Variants in C1orf198 observed in about 807,000 individuals in gnomAD.
The protein encoded by C1orf198 is uncharacterized protein C1orf198.
Under a neutral mutation model 31.4 loss-of-function variants are expected in C1orf198, and 17 were observed. The observed-to-expected ratio is 0.54, with a 90% CI of 0.37 to 0.81. The LOEUF (loss-of-function observed/expected upper bound fraction) is 0.81. Ranked by LOEUF, C1orf198 falls within the 40% of genes least tolerant of loss-of-function variation. The pLI is 0.00. For synonymous variants in C1orf198, 175 were observed against 193.8 expected (o/e 0.90, Z 0.81); for missense variants, 401 against 450.3 (o/e 0.89, Z 0.99).
At chr1:230,851,900 T>C (rs985511083) in intron 2 of C1orf198, among the ~76,000 whole-genome samples, 1 of 152,208 alleles carries the variant, frequency 6.6e-6, no homozygotes, top group Non-Finnish European at 1.5e-5. Context: ...GGAATGGTCA[T>C]GGGCTGGCCA....
chr1:230,843,432 G>C lies in C1orf198; in HGVS notation c.849C>G (p.Leu283=). 1.9e-6 allele frequency: 3 copies of C among 1,590,510 alleles called. No individual in the cohort carries two copies. Among genetic ancestry groups the C allele is most frequent in the Non-Finnish European group, 2.6e-6 (3 of 1,168,160 alleles). The change falls in exon 3 of 4, where the codon CTC becomes CTG. Residue 283 remains leucine, a synonymous_variant. Transcript: ENST00000366663. The surrounding 1 kb of genome is among the most constrained non-coding windows in gnomAD (Gnocchi z 4.9). The part of the protein sequence containing the change: ...SALHEAAPSQ[L]EGKLPSPDVR... Reference sequence around the variant, plus strand: ...CATCAGGAGATGGCAGCTTCCCCTCGAGCTGGGAGGGGGCAGCCTCGTGCA... The same window carrying C: ...CATCAGGAGATGGCAGCTTCCCCTCCAGCTGGGAGGGGGCAGCCTCGTGCA...
At chr1:230,845,309 G>A (rs1182232037) in intron 2 of C1orf198, among the ~76,000 whole-genome samples, 1 of 151,896 alleles carries the variant, frequency 6.6e-6, no homozygotes, top group Non-Finnish European at 1.5e-5. Context: ...CTTGAGCCTG[G>A]GAGGTCAAGG....
chr1:230,855,643 T>C (rs1454702870), intron 2 of C1orf198, 25 bp downstream of exon 2: 9 of 1,606,994 alleles, frequency 5.6e-6, no homozygotes, highest in Middle Eastern at 1.7e-4. Flanking sequence ...AAAGAACAAA[T>C]AGATCTAAAT....
Position 230,857,707 on chromosome 1 carries a change from G to A in C1orf198, c.334-1989C>T, listed in dbSNP as rs1031712905. On this transcript the variant is annotated intron_variant, in intron 1 of 3. Transcript: ENST00000366663. The surrounding 1 kb of genome is among the most constrained non-coding windows in gnomAD (Gnocchi z 4.2). The stretch of plus-strand genomic sequence containing the variant: ...TATTTTCCCAGGACAGCATATAAAA[G>A]GACTAAATATATTTATATCAGGAAA... Among the ~76,000 whole-genome samples, 3 of 152,030 alleles carry A rather than the reference G, an allele frequency of 2.0e-5. No individual in the cohort carries two copies. Among genetic ancestry groups the A allele is most frequent in the African/African-American group, 7.2e-5 (3 of 41,382 alleles).
intron 1 of C1orf198, among the ~76,000 whole-genome samples, chr1:230,858,068 G>A (rs910509439): frequency 6.6e-6 from 1 of 152,196 alleles, no homozygotes; most frequent in Non-Finnish European, 1.5e-5. Flanking sequence ...ACTTCCCAAT[G>A]CACAAACTTC....
chr1:230,856,021 A>T (rs1030741327), intron 1 of C1orf198: 47 of 1,150,700 alleles, frequency 4.1e-5, no homozygotes, highest in Non-Finnish European at 4.8e-5. Context: ...TGAGGGCTTG[A>T]TGGTCTCAGC....
chr1:230,855,869 T>C (rs1669857438), intron 1 of C1orf198, 151 bp from the exon 2 acceptor site: 1 of 1,456,564 alleles, frequency 6.9e-7, no homozygotes, highest in Admixed American at 2.4e-5. Context: ...CTCAATATAA[T>C]GCGCTGACCG....
chr1:230,852,755 A>T (rs1353631721), intron 2 of C1orf198, among the ~76,000 whole-genome samples: 1 of 152,214 alleles, frequency 6.6e-6, no homozygotes. Flanking sequence ...AAATGGAAAG[A>T]AATGGCCAAG....
At chr1:230,863,411 G>A (rs1282486918) in intron 1 of C1orf198, among the ~76,000 whole-genome samples, 1 of 152,228 alleles carries the variant, frequency 6.6e-6, no homozygotes, top group Admixed American at 6.5e-5. Flanking sequence ...AGAAGAAGAA[G>A]AAGAAGAAAT....
intron 1 of C1orf198, among the ~76,000 whole-genome samples, chr1:230,858,751 A>G (rs997350609): frequency 3.9e-5 from 6 of 152,238 alleles, no homozygotes; most frequent in African/African-American, 1.4e-4. Context: ...GATTCTAAAT[A>G]TTAATTATAT....
intron 2 of C1orf198, among the ~76,000 whole-genome samples, chr1:230,844,541 C>T (rs903437892): frequency 6.6e-6 from 1 of 152,102 alleles, no homozygotes; most frequent in Non-Finnish European, 1.5e-5. Context: ...CACACTGATA[C>T]ACTCCCTCAT....
intron 2 of C1orf198, among the ~76,000 whole-genome samples, chr1:230,850,024 C>T (rs768088963): frequency 2.0e-4 from 30 of 152,190 alleles, no homozygotes; most frequent in Non-Finnish European, 2.9e-4. Flanking sequence ...CCAGGGAGAA[C>T]TCAGCTGAGG....
chr1:230,868,562 C>T (rs1244568832), upstream of C1orf198: 1 of 1,169,894 alleles, frequency 8.5e-7, no homozygotes, highest in Non-Finnish European at 1.1e-6. Context: ...TCGCTGTGCC[C>T]GCCCTCGCCC....
At chr1:230,864,491 G>C (rs993343326) in intron 1 of C1orf198, among the ~76,000 whole-genome samples, 1 of 152,208 alleles carries the variant, frequency 6.6e-6, no homozygotes, top group African/African-American at 2.4e-5. Context: ...CCTGTAGGAG[G>C]AGCAGAGATG....
intron 2 of C1orf198, among the ~76,000 whole-genome samples, chr1:230,854,418 CAG>C (rs886920511): frequency 2.0e-5 from 3 of 152,214 alleles, no homozygotes; most frequent in Non-Finnish European, 4.4e-5. Context: ...TCAGTAGACA[CAG>C]GATCCAGTGT....
At chr1:230,862,388 A>C (rs1670023186) in intron 1 of C1orf198, among the ~76,000 whole-genome samples, 1 of 152,208 alleles carries the variant, frequency 6.6e-6, no homozygotes, top group African/African-American at 2.4e-5. Flanking sequence ...TACCCAGATG[A>C]ACTGAAGACT....
rs1293510289 is a variant in C1orf198, at chr1:230,857,689, C to G, written c.334-1971G>C. On this transcript the variant is annotated intron_variant, in intron 1 of 3. Coordinates refer to ENST00000366663, the MANE Select transcript of C1orf198 (RefSeq NM_032800.3). The surrounding 1 kb of genome is among the most constrained non-coding windows in gnomAD (Gnocchi z 4.2). ...GGCCAGAATCCAGGTCTTTATTTTC[C>G]CAGGACAGCATATAAAAGGACTAAA... 6.6e-6 allele frequency among the ~76,000 whole-genome samples: 1 copy of G among 152,030 alleles called. No individual in the cohort carries two copies. The highest frequency in any genetic ancestry group is 6.6e-5 in the Admixed American group (1 of 15,266).
At chr1:230,839,987 T>C in intron 3 of C1orf198, 79 bp from the exon 4 acceptor site, 1 of 1,295,456 alleles carries the variant, frequency 7.7e-7, no homozygotes, top group South Asian at 1.3e-5. Flanking sequence ...AGCATCTCAT[T>C]TAAAACGACC....
Position 230,843,817 on chromosome 1 carries a change from A to C in C1orf198, c.464T>G (p.Leu155Arg). ...CTGGGAGCCCTGGGAAGCTTTGGAC[A>C]GTGGTCTGGGCTCGCTGGCGGCGGT... ...NGTAASEPRP[L>R]SKASQGSQAL... The change falls in exon 3 of 4, where the codon CTG becomes CGG. Residue 155 changes from leucine to arginine, a missense_variant. Coordinates refer to ENST00000366663, the MANE Select transcript of C1orf198 (RefSeq NM_032800.3). This position sits in a 1 kb window ranked among gnomAD's most constrained non-coding sequence, Gnocchi z 4.9. 3 of 1,592,412 alleles carry C rather than the reference A, an allele frequency of 1.9e-6. No individual in the cohort carries two copies. In the Middle Eastern group the frequency reaches 5.1e-4, roughly 268 times the overall value.
Sources: gnomAD v4.1 joint callset for allele counts (sites outside exome capture counted in the v4.1 genomes callset) on GRCh38, gnomAD v4.1.1 for gene constraint, Gnocchi (gnomAD v3.1) non-coding constraint, MANE v1.5 for transcripts, NCBI Gene and HGNC (gene_info 2026-07-23, HGNC 2026-07-21) for gene names.